Variants in RIT2 observed in about 807,000 individuals in gnomAD.
The protein encoded by RIT2 is Ras like without CAAX 2, also known as GTP-binding protein Rit2.
A neutral mutation model predicts 23.7 loss-of-function variants in RIT2; 24 were observed. The ratio of observed to expected loss-of-function variants is 1.01; its 90% CI spans 0.73 to 1.43. The LOEUF is 1.43. Among genes scored for constraint, RIT2 ranks in the 40% most tolerant of loss-of-function variants. The pLI, the probability that RIT2 is intolerant of heterozygous loss-of-function variation, is 0.00. For synonymous variants in RIT2, 107 were observed against 91.1 expected (o/e 1.17, Z -0.99); for missense variants, 236 against 266.9 (o/e 0.88, Z 0.81).
At chr18:43,084,327 C>T (rs747489352) in intron 1 of RIT2, among the ~76,000 whole-genome samples, 7 of 152,046 alleles carry the variant, frequency 4.6e-5, no homozygotes, top group Non-Finnish European at 1.0e-4. Context: ...GGTAGTGTGG[C>T]GATTCCTCAA....
At chr18:43,067,664 T>C (rs957319227) in intron 1 of RIT2, among the ~76,000 whole-genome samples, 4 of 152,182 alleles carry the variant, frequency 2.6e-5, no homozygotes, top group Admixed American at 1.3e-4. Context: ...AGTTTTATCA[T>C]GCAAATGAAG....
At chr18:43,091,415 T>G (rs8091433) in intron 1 of RIT2, among the ~76,000 whole-genome samples, 83,921 of 151,900 alleles carry the variant, frequency 0.55, 24,143 homozygotes, top group Non-Finnish European at 0.65. Context: ...GGTAGGAGCT[T>G]GATCATCAGT....
intron 2 of RIT2, among the ~76,000 whole-genome samples, chr18:42,984,086 C>A (rs545684283): frequency 2.0e-5 from 3 of 152,020 alleles, no homozygotes; most frequent in Non-Finnish European, 4.4e-5. Flanking sequence ...CACATGAACA[C>A]AAAGAAAGTA....
chr18:43,034,577 AGTGT>A (rs1911932923), intron 1 of RIT2, among the ~76,000 whole-genome samples: 1 of 152,204 alleles, frequency 6.6e-6, no homozygotes, highest in Non-Finnish European at 1.5e-5. Context: ...ATATAAAAAT[AGTGT>A]ATAATAGCTC....
intron 4 of RIT2, among the ~76,000 whole-genome samples, chr18:42,814,673 T>C (rs927431613): frequency 4.6e-5 from 7 of 152,102 alleles, no homozygotes; most frequent in Admixed American, 3.9e-4. Flanking sequence ...TCCTGGGAGT[T>C]CCAGGGCACT....
At chr18:43,054,977 T>A (rs1912465950) in intron 1 of RIT2, among the ~76,000 whole-genome samples, 1 of 152,110 alleles carries the variant, frequency 6.6e-6, no homozygotes, top group Non-Finnish European at 1.5e-5. Context: ...AGCTGTGCAT[T>A]GGATTCACCT....
chr18:42,837,039 T>A (rs1174321493), intron 4 of RIT2, among the ~76,000 whole-genome samples: 1 of 151,194 alleles, frequency 6.6e-6, no homozygotes, highest in African/African-American at 2.4e-5. Context: ...TACACAGTCC[T>A]AATGCACACC....
At chr18:42,774,346 G>C (rs1344672030) in intron 4 of RIT2, among the ~76,000 whole-genome samples, 1 of 152,018 alleles carries the variant, frequency 6.6e-6, no homozygotes, top group Admixed American at 6.6e-5. Context: ...TTAACTACAG[G>C]GGGAAAGTGT....
intron 1 of RIT2, among the ~76,000 whole-genome samples, chr18:43,076,999 A>T (rs1408362952): frequency 1.3e-5 from 2 of 148,686 alleles, no homozygotes; most frequent in East Asian, 4.0e-4. Flanking sequence ...GCTACTCGGG[A>T]GGCTGAGGCA....
intron 1 of RIT2, among the ~76,000 whole-genome samples, chr18:43,081,372 T>C (rs549596878): frequency 3.9e-5 from 6 of 152,330 alleles, no homozygotes; most frequent in African/African-American, 1.4e-4. Flanking sequence ...TAATTATGGT[T>C]AATATTTATT....
chr18:42,957,645 A>G lies in RIT2; in HGVS notation c.234+16429T>C, dbSNP rs113918371. The stretch of plus-strand genomic sequence containing the variant: ...CTAAAAATGCAAAAATTAGCCAGGC[A>G]TGGTGGCATGCACCTGTAATACCAG... On this transcript the variant is annotated intron_variant, in intron 3 of 4. Coordinates refer to ENST00000326695, the MANE Select transcript of RIT2 (RefSeq NM_002930.4). 2.8e-3 allele frequency among the ~76,000 whole-genome samples: 428 copies of G among 152,204 alleles called. 3 individuals are homozygous for G. The highest frequency in any genetic ancestry group is 0.01 in the African/African-American group (417 of 41,550).
intron 4 of RIT2, among the ~76,000 whole-genome samples, chr18:42,866,516 C>T (rs541151671): frequency 6.6e-6 from 1 of 152,154 alleles, no homozygotes; most frequent in Non-Finnish European, 1.5e-5. Context: ...GGCATCTATT[C>T]CCCCATTATT....
chr18:42,869,634 TG>T, intron 4 of RIT2, among the ~76,000 whole-genome samples: 1 of 152,314 alleles, frequency 6.6e-6, no homozygotes, highest in Non-Finnish European at 1.5e-5. Context: ...GAACCCCAGT[TG>T]TACCCTGTCC....
In RIT2 at chr18:42,919,151, T is replaced by G. The variant is rs185541979; in HGVS notation, c.426+4421A>C. Among the ~76,000 whole-genome samples, 352 of 152,290 alleles carry G rather than the reference T, an allele frequency of 2.3e-3. 1 individual carries two copies. Among genetic ancestry groups the G allele is most frequent in the African/African-American group, 8.0e-3 (333 of 41,586 alleles). On this transcript the variant is annotated intron_variant, in intron 4 of 4. Coordinates refer to ENST00000326695, the MANE Select transcript of RIT2 (RefSeq NM_002930.4). Reference sequence around the variant, plus strand: ...CGACTCTCCAAAGATAAATAGATGCTTGATAGAACTCTAAATAGATATTAT... The same window carrying G: ...CGACTCTCCAAAGATAAATAGATGCGTGATAGAACTCTAAATAGATATTAT...
At chr18:42,751,264 GAGA>G (rs1418352880) in intron 4 of RIT2, among the ~76,000 whole-genome samples, 2 of 151,822 alleles carry the variant, frequency 1.3e-5, no homozygotes, top group African/African-American at 4.8e-5. Context: ...AGTAGAAGTA[GAGA>G]AGGATTGAAG....
chr18:43,002,683 C>G (rs1466460600), intron 2 of RIT2, among the ~76,000 whole-genome samples: 2 of 151,872 alleles, frequency 1.3e-5, no homozygotes, highest in African/African-American at 4.8e-5. Context: ...AATTATTTAT[C>G]TGGAGTAGAA....
intron 1 of RIT2, among the ~76,000 whole-genome samples, chr18:43,097,075 T>C (rs1913570964): frequency 6.6e-6 from 1 of 151,894 alleles, no homozygotes; most frequent in Non-Finnish European, 1.5e-5. Flanking sequence ...CCTGAGCCCT[T>C]GCTATCATGA....
chr18:43,037,976 G>T (rs555734028), intron 1 of RIT2, among the ~76,000 whole-genome samples: 4 of 152,048 alleles, frequency 2.6e-5, no homozygotes, highest in African/African-American at 4.8e-5. Flanking sequence ...AGGCCAAGGC[G>T]GGCGGATCAC....
intron 1 of RIT2, among the ~76,000 whole-genome samples, chr18:43,100,498 A>G (rs1043898864): frequency 2.0e-5 from 3 of 152,178 alleles, no homozygotes; most frequent in Non-Finnish European, 2.9e-5. Flanking sequence ...CTTGTAGCTT[A>G]AAAGGACCAC....
Sources: gnomAD v4.1 joint callset for allele counts (sites outside exome capture counted in the v4.1 genomes callset) on GRCh38, gnomAD v4.1.1 for gene constraint, MANE v1.5 for transcripts, NCBI Gene and HGNC (gene_info 2026-07-23, HGNC 2026-07-21) for gene names.